Variants in SPOCD1 observed in about 807,000 individuals in gnomAD.
The protein encoded by SPOCD1 is SPOC domain containing 1, also known as SPOC domain-containing protein 1.
In SPOCD1, 64 loss-of-function variants were observed where a neutral mutation model predicts 92.2. The observed-to-expected ratio is 0.69, with a 90% CI of 0.57 to 0.86. SPOCD1 has a LOEUF of 0.86. Among genes scored for constraint, SPOCD1 ranks in the 40% least tolerant of loss-of-function variants. SPOCD1 has a pLI of 0.00. For missense variants in SPOCD1, 1,360 were observed against 1,543.1 expected, an observed-to-expected ratio of 0.88 and a Z score of 1.99; for synonymous variants, 578 against 619.3, an observed-to-expected ratio of 0.93 and a Z score of 0.99.
At chr1:31,792,600 G>A (rs980174278) in intron 14 of SPOCD1, 78 bp downstream of exon 14, 3 of 1,285,594 alleles carry the variant, frequency 2.3e-6, no homozygotes, top group East Asian at 2.5e-5. Context: ...TCCAAGCCAG[G>A]CCTCTGCTCT....
intron 3 of SPOCD1, 67 bp from the exon 4 acceptor site, chr1:31,800,684 C>A: frequency 1.5e-5 from 20 of 1,367,120 alleles, no homozygotes; most frequent in Non-Finnish European, 2.0e-5. Context: ...AGAGTGCTCG[C>A]CTCATCTGTA....
chr1:31,800,600 C>T lies in SPOCD1; in HGVS notation c.1443G>A (p.Val481=). The T allele has an allele frequency of 6.2e-7, 1 of 1,607,658 alleles. No individual in the cohort carries two copies. Among genetic ancestry groups the T allele is most frequent in the Non-Finnish European group, 8.5e-7 (1 of 1,176,648 alleles). ...KLVCYLGSGP[V]IQLLGAISHG... is the part of the protein sequence containing the mutation. ...GGCTGATGGCCCCCAGGAGCTGGAT[C>T]ACTGGCCCGGAACCCAGCTGCGGGG... Residue 481 remains valine (V), a synonymous_variant, in exon 4 of 16, where the codon GTG becomes GTA. Transcript: ENST00000360482.
At position 31,793,317 on chromosome 1, in the gene SPOCD1, C is replaced by T. The variant is rs1288341769; in HGVS notation, c.2646G>A (p.Arg882=). 6.3e-7 allele frequency: 1 copy of T among 1,592,290 alleles called. No homozygotes were observed. The highest frequency in any genetic ancestry group is 1.8e-5 in the Admixed American group (1 of 56,844). ...AGCTGTGTCCCGAGACCAGCTGGGC[C>T]CTGGCCCGGAACCGCTTGATGGAGA... is the stretch of plus-strand genomic sequence containing the variant. The part of the protein sequence containing the change: ...DMFSIKRFRA[R]AQLVSGHSCR... The change falls in exon 13 of 16, where the codon AGG becomes AGA. Residue 882 remains arginine, a synonymous_variant. Transcript: ENST00000360482.
In SPOCD1 at chr1:31,814,300, C is replaced by T. The variant is rs770478683; in HGVS notation, c.1034G>A (p.Cys345Tyr). ...TTCATCGCTGCCAGTCCGCACGACA[C>T]ACACAGCTTCTTGCTGCTCTGCAGA... is the stretch of plus-strand genomic sequence containing the variant. The part of the protein sequence containing the change: ...QASAEQQEAV[C>Y]VVRTGSDEGQ... The change falls in exon 2 of 16, where the codon TGT (cysteine) becomes TAT (tyrosine). Residue 345 changes from cysteine (C) to tyrosine (Y), a missense_variant. Physicochemically the swap from Cys to Tyr is radical, Grantham distance 194 (BLOSUM62 -2). This residue lies in a region of SPOCD1 where 606 missense variants were observed against 601.5 expected (regional missense o/e 1.01). Transcript: ENST00000360482. The surrounding 1 kb of genome is among the most constrained non-coding windows in gnomAD (Gnocchi z 4.2). 2.5e-6 allele frequency: 4 copies of T among 1,576,210 alleles called. No individual in the cohort carries two copies. In the South Asian group the frequency reaches 3.4e-5, roughly 14 times the overall value.
intron 2 of SPOCD1, among the ~76,000 whole-genome samples, chr1:31,813,520 C>A (rs1649338724): frequency 6.6e-6 from 1 of 152,220 alleles, no homozygotes; most frequent in Non-Finnish European, 1.5e-5. Flanking sequence ...GCCTCTGCCT[C>A]CCAAAGTGCT....
At chr1:31,807,858 A>G (rs1648938544) in intron 2 of SPOCD1, among the ~76,000 whole-genome samples, 1 of 152,240 alleles carries the variant, frequency 6.6e-6, no homozygotes, top group East Asian at 1.9e-4. Flanking sequence ...GAAATACTGT[A>G]TGCCAACATG....
intron 10 of SPOCD1, chr1:31,795,410 G>A (rs1221526551): frequency 2.0e-5 from 3 of 152,136 alleles, no homozygotes; most frequent in African/African-American, 7.2e-5. Flanking sequence ...AACCTCCTAG[G>A]CCATTGTGAG....
chr1:31,815,716 T>C (rs1023529744), intron 1 of SPOCD1: 1 of 135,430 alleles, frequency 7.4e-6, no homozygotes, highest in African/African-American at 3.1e-5. Flanking sequence ...GTGAGGACAC[T>C]GAGATTCTGA....
intron 12 of SPOCD1, 94 bp downstream of exon 12, chr1:31,793,652 AC>A: frequency 6.2e-7 from 1 of 1,602,632 alleles, no homozygotes; most frequent in South Asian, 1.1e-5. Context: ...GCCCAAGGCC[AC>A]ACAGGAAAAG....
chr1:31,804,678 CA>C (rs1406614982), intron 2 of SPOCD1, among the ~76,000 whole-genome samples: 2 of 106,992 alleles, frequency 1.9e-5, no homozygotes, highest in African/African-American at 6.7e-5. Context: ...GAAGGAAAAA[CA>C]ATCCCAGATA....
chr1:31,804,611 T>C (rs745770519), intron 2 of SPOCD1, among the ~76,000 whole-genome samples: 15 of 152,206 alleles, frequency 9.9e-5, no homozygotes, highest in Non-Finnish European at 1.9e-4. Flanking sequence ...TTATTTTTCT[T>C]GATAATTTTG....
At chr1:31,801,528 G>C in intron 3 of SPOCD1, 136 bp downstream of exon 3, 2 of 704,758 alleles carry the variant, frequency 2.8e-6, no homozygotes, top group East Asian at 5.2e-5. Context: ...TAGAGGGAGG[G>C]GAGCACTAGG....
Position 31,799,500 on chromosome 1 carries a change from C to A in SPOCD1, c.1784-15G>T, listed in dbSNP as rs41306617. Reference sequence around the variant, plus strand: ...TTGGAGCTGAGCTGTAGGGAGAGAGCGTCACAGGCTCCCAGGGGTGCCCAG... The same window carrying A: ...TTGGAGCTGAGCTGTAGGGAGAGAGAGTCACAGGCTCCCAGGGGTGCCCAG... On this transcript the variant is annotated splice_polypyrimidine_tract_variant and intron_variant, in intron 6 of 15. Coordinates refer to ENST00000360482, the MANE Select transcript of SPOCD1 (RefSeq NM_144569.7). 6 of 1,604,166 alleles carry A rather than the reference C, an allele frequency of 3.7e-6. No individual in the cohort carries two copies. The highest frequency in any genetic ancestry group is 1.6e-4 in the Middle Eastern group (1 of 6,080).
At position 31,801,718 on chromosome 1, in the gene SPOCD1, G is replaced by C. The variant is rs768858445; in HGVS notation, c.1384-13C>G. ...TTTTCACTTCCTCCTTGGAGAGAAA[G>C]AGGATGCAGAGATTAGAATCCAGAG... On this transcript the variant is annotated splice_polypyrimidine_tract_variant and intron_variant, in intron 2 of 15. Transcript: ENST00000360482. 3.7e-6 allele frequency: 6 copies of C among 1,612,578 alleles called. No individual in the cohort carries two copies. The African/African-American group carries it at 8.0e-5, about 22-fold the overall frequency.
rs768858445 is a variant in SPOCD1 at position 31,801,718 on chromosome 1, G to A, written c.1384-13C>T. The A allele has an allele frequency of 5.6e-6, 9 of 1,612,696 alleles. No homozygotes were observed. The highest frequency in any genetic ancestry group is 1.7e-5 in the Admixed American group (1 of 60,022). ...TTTTCACTTCCTCCTTGGAGAGAAA[G>A]AGGATGCAGAGATTAGAATCCAGAG... On this transcript the variant is annotated splice_polypyrimidine_tract_variant and intron_variant, in intron 2 of 15. Coordinates refer to ENST00000360482, the MANE Select transcript of SPOCD1 (RefSeq NM_144569.7).
intron 2 of SPOCD1, among the ~76,000 whole-genome samples, chr1:31,808,004 C>A (rs1386909362): frequency 6.6e-6 from 1 of 152,152 alleles, no homozygotes; most frequent in East Asian, 1.9e-4. Context: ...GAAGGAAACA[C>A]CTTCCCTAAA....
chr1:31,810,594 C>T (rs1343488290), intron 2 of SPOCD1, among the ~76,000 whole-genome samples: 1 of 152,144 alleles, frequency 6.6e-6, no homozygotes, highest in African/African-American at 2.4e-5. Context: ...GCAATCCACC[C>T]GCCTTGGCCT....
Position 31,798,443 on chromosome 1 carries a change from A to C in SPOCD1, c.2027T>G (p.Leu676Arg), listed in dbSNP as rs1648186125. Residue 676 changes from leucine (L) to arginine (R), a missense_variant and splice_region_variant, in exon 8 of 16, where the codon CTG becomes CGG. Physicochemically the swap from Leu to Arg is moderately radical, Grantham distance 102 (BLOSUM62 -2). Transcript: ENST00000360482. The surrounding 1 kb of genome is among the most constrained non-coding windows in gnomAD (Gnocchi z 4.1). ...LLFNLRDPRN[L>R]DLFLKVVHGD... ...AGCCCAGCCCAAAGCCCTGCTCACC[A>C]GGTTCCTGGGGTCCCGCAGGTTGAA... The C allele has an allele frequency of 1.2e-6, 2 of 1,606,980 alleles. No homozygotes were observed. The highest frequency in any genetic ancestry group is 2.2e-5 in the East Asian group (1 of 44,840).
chr1:31,808,263 C>T (rs1648970197), intron 2 of SPOCD1, among the ~76,000 whole-genome samples: 1 of 151,118 alleles, frequency 6.6e-6, no homozygotes, highest in South Asian at 2.1e-4. Flanking sequence ...TCACAAAATA[C>T]GAAAAAGATA....
Sources: gnomAD v4.1 joint callset for allele counts (sites outside exome capture counted in the v4.1 genomes callset) on GRCh38, gnomAD v4.1.1 for gene constraint, gnomAD v4.1.1 regional missense constraint, Gnocchi (gnomAD v3.1) non-coding constraint, MANE v1.5 for transcripts, NCBI Gene and HGNC (gene_info 2026-07-23, HGNC 2026-07-21) for gene names.